The following ANKRD31 variants were observed in gnomAD, a reference collection of about 807,000 sequenced individuals.
ANKRD31 encodes the protein ankyrin repeat domain-containing protein 31.
In ANKRD31, 147 loss-of-function variants were observed where a neutral mutation model predicts 186.0. The observed-to-expected ratio is 0.79, with a 90% CI of 0.69 to 0.91. ANKRD31 has a LOEUF of 0.91. ANKRD31 is among the 40% of genes least tolerant of loss of function. The pLI is 0.00. For synonymous variants in ANKRD31, 673 were observed against 736.4 expected, an observed-to-expected ratio of 0.91 and a Z score of 1.39; for missense variants, 1,986 against 2,148.8, an observed-to-expected ratio of 0.92 and a Z score of 1.50.
At chr5:75,083,782 A>C (rs1745272847) in intron 24 of ANKRD31, among the ~76,000 whole-genome samples, 1 of 152,178 alleles carries the variant, frequency 6.6e-6, no homozygotes, top group Admixed American at 6.5e-5. Flanking sequence ...TCAAAGGATG[A>C]GTGGACAAAT....
At chr5:75,229,864 C>CAAAAAAAAAAA (rs1210080751) in intron 2 of ANKRD31, among the ~76,000 whole-genome samples, 10 of 37,812 alleles carry the variant, frequency 2.6e-4, no homozygotes, top group Non-Finnish European at 3.8e-4. Context: ...GACTCTGTCT[C>CAAAAAAAAAAA]AAAAAAAAAA....
At chr5:75,131,336 T>G (rs112436052) in intron 17 of ANKRD31, among the ~76,000 whole-genome samples, 18 of 151,882 alleles carry the variant, frequency 1.2e-4, no homozygotes, top group African/African-American at 4.3e-4. Flanking sequence ...CACCTCTCAT[T>G]AGCAAACAGC....
At chr5:75,168,864 T>C in intron 11 of ANKRD31, 115 bp downstream of exon 11, 1 of 1,023,982 alleles carries the variant, frequency 9.8e-7, no homozygotes, top group Non-Finnish European at 1.3e-6. Flanking sequence ...TAAGTATTCA[T>C]TAGCAGAATG....
At chr5:75,126,694 G>A (rs909294113) in intron 17 of ANKRD31, among the ~76,000 whole-genome samples, 3 of 152,102 alleles carry the variant, frequency 2.0e-5, no homozygotes, top group Non-Finnish European at 2.9e-5. Flanking sequence ...CATTTTGCAC[G>A]AAAGGGATAG....
At chr5:75,198,298 T>C (rs533954655) in intron 6 of ANKRD31, among the ~76,000 whole-genome samples, 10 of 152,244 alleles carry the variant, frequency 6.6e-5, no homozygotes, top group African/African-American at 2.2e-4. Context: ...AGCCTTTTTT[T>C]CCCTCAAAAG....
intron 10 of ANKRD31, among the ~76,000 whole-genome samples, chr5:75,173,161 G>C (rs191569241): frequency 4.5e-4 from 68 of 152,200 alleles, no homozygotes; most frequent in African/African-American, 1.5e-3. Flanking sequence ...AATAGATGCA[G>C]AAAAGGCCTT....
At chr5:75,089,314 G>C (rs1745752308) in intron 23 of ANKRD31, among the ~76,000 whole-genome samples, 2 of 152,268 alleles carry the variant, frequency 1.3e-5, no homozygotes, top group South Asian at 4.1e-4. Context: ...GCAACTGCTT[G>C]GGTTGGGAGT....
At chr5:75,111,202 CAA>C (rs5868763) in intron 20 of ANKRD31, among the ~76,000 whole-genome samples, 24 of 143,842 alleles carry the variant, frequency 1.7e-4, no homozygotes, top group African/African-American at 4.2e-4. Context: ...TGTTCTTAGA[CAA>C]AAAAAAAAAT....
chr5:75,122,153 A>G (rs576937935), intron 17 of ANKRD31, among the ~76,000 whole-genome samples: 1 of 152,236 alleles, frequency 6.6e-6, no homozygotes, highest in Non-Finnish European at 1.5e-5. Flanking sequence ...AGAGATACAA[A>G]AGATCATCAG....
intron 11 of ANKRD31, among the ~76,000 whole-genome samples, chr5:75,160,774 T>TG (rs901669288): frequency 6.6e-5 from 10 of 152,122 alleles, no homozygotes; most frequent in African/African-American, 2.4e-4. Flanking sequence ...AATTGAATCA[T>TG]GGGGGCGGTT....
intron 1 of ANKRD31, among the ~76,000 whole-genome samples, chr5:75,232,780 T>C (rs560030541): frequency 6.6e-6 from 1 of 152,328 alleles, no homozygotes; most frequent in South Asian, 2.1e-4. Flanking sequence ...ACATACGGAT[T>C]ACTCTGAGCT....
intron 9 of ANKRD31, among the ~76,000 whole-genome samples, chr5:75,191,619 A>T (rs1300756272): frequency 6.6e-6 from 1 of 152,114 alleles, no homozygotes; most frequent in Non-Finnish European, 1.5e-5. Context: ...ATGAGATCTC[A>T]TGCATTTCTA....
At chr5:75,144,603 A>G (rs548955488) in intron 14 of ANKRD31, among the ~76,000 whole-genome samples, 1 of 152,306 alleles carries the variant, frequency 6.6e-6, no homozygotes, top group East Asian at 1.9e-4. Context: ...CTCAAGATGG[A>G]TTAAAGACTT....
intron 25 of ANKRD31, among the ~76,000 whole-genome samples, chr5:75,068,877 A>G (rs538716440): frequency 6.6e-6 from 1 of 152,248 alleles, no homozygotes; most frequent in South Asian, 2.1e-4. Context: ...GCCTGTTTGA[A>G]GTCTAAAACA....
At chr5:75,179,175 C>T (rs953327602) in intron 10 of ANKRD31, among the ~76,000 whole-genome samples, 4 of 152,070 alleles carry the variant, frequency 2.6e-5, no homozygotes, top group Non-Finnish European at 5.9e-5. Context: ...CCTCCCAAGA[C>T]TAAACCAGGA....
At chr5:75,214,133 T>A (rs931130358) in intron 3 of ANKRD31, among the ~76,000 whole-genome samples, 4 of 152,220 alleles carry the variant, frequency 2.6e-5, no homozygotes, top group African/African-American at 9.6e-5. Flanking sequence ...TTTAGAGCGT[T>A]CCCTCTGGAC....
At chr5:75,228,806 T>C (rs1424454652) in intron 2 of ANKRD31, among the ~76,000 whole-genome samples, 1 of 152,158 alleles carries the variant, frequency 6.6e-6, no homozygotes, top group African/African-American at 2.4e-5. Context: ...GAAACAGACC[T>C]CTAACTCCTT....
chr5:75,082,185 C>T (rs1025658513), intron 24 of ANKRD31, among the ~76,000 whole-genome samples: 2 of 152,020 alleles, frequency 1.3e-5, no homozygotes, highest in African/African-American at 2.4e-5. Flanking sequence ...GAGAATGCAC[C>T]CTATTAATGG....
At chr5:75,097,918 G>A (rs368221800) in intron 22 of ANKRD31, among the ~76,000 whole-genome samples, 19 of 152,092 alleles carry the variant, frequency 1.2e-4, no homozygotes, top group South Asian at 1.2e-3. Context: ...ATAGGGAATC[G>A]TTTCCCCATT....
Sources: allele counts gnomAD v4.1 joint callset (sites outside exome capture counted in the v4.1 genomes callset), GRCh38; gene constraint gnomAD v4.1.1; transcripts MANE v1.5; gene names NCBI Gene and HGNC (gene_info 2026-07-23, HGNC 2026-07-21).